The following PRAME variants were observed in gnomAD, a reference collection of about 807,000 sequenced individuals.
The protein encoded by PRAME is PRAME nuclear receptor transcriptional regulator.
PRAME carries 21 observed loss-of-function variants against 32.1 expected under a neutral mutation model. That is an observed-to-expected ratio of 0.65 (90% CI 0.46 to 0.94). PRAME has a LOEUF of 0.94. Ranked by LOEUF, PRAME falls within the 40% of genes least tolerant of loss-of-function variation. The pLI, the probability that PRAME is intolerant of heterozygous loss-of-function variation, is 0.00. For missense variants in PRAME, 651 were observed against 622.3 expected, an observed-to-expected ratio of 1.05 and a Z score of -0.49; for synonymous variants, 274 against 251.5, an observed-to-expected ratio of 1.09 and a Z score of -0.85.
intron 4 of PRAME, 148 bp downstream of exon 4, chr22:22,550,619 C>G (rs964057731): frequency 4.2e-6 from 4 of 960,330 alleles, no homozygotes; most frequent in Admixed American, 5.1e-5. Flanking sequence ...AGAGTGACCC[C>G]TGCAGTAGCC....
In PRAME at chr22:22,556,554, G is replaced by A. The variant is rs936788070; in HGVS notation, c.21+258C>T. Among the ~76,000 whole-genome samples the A allele has an allele frequency of 5.3e-5, 8 of 151,568 alleles. 1 individual carries two copies. Among genetic ancestry groups the A allele is most frequent in the African/African-American group, 1.9e-4 (8 of 41,266 alleles). ...TCTCAATCTCCTGACCTGGTGATCC[G>A]CCCGCCTCAGCCTCCCAAAGTGCTG... On this transcript the variant is annotated intron_variant, in intron 3 of 5. Coordinates refer to ENST00000405655, the MANE Select transcript of PRAME (RefSeq NM_206956.3).
chr22:22,548,562 A>C lies in PRAME; in HGVS notation c.1035T>G (p.Ser345Arg), dbSNP rs1420885580. The change falls in exon 6 of 6, where the codon AGT becomes AGG. Residue 345 changes from serine to arginine, a missense_variant. Physicochemically the swap from Ser to Arg is moderately radical, Grantham distance 110. Transcript: ENST00000405655. ...SEGDVMHLSQ[S>R]PSVSQLSVLS... ...GGACACTTAGCTGACTGACGCTGGG[A>C]CTCTGGGACAGATGCATCACATCCC... 8 of 1,613,092 alleles carry C rather than the reference A, an allele frequency of 5.0e-6. No homozygotes were observed. Among genetic ancestry groups the C allele is most frequent in the Admixed American group, 3.3e-5 (2 of 59,950 alleles).
intron 2 of PRAME, 59 bp from the exon 3 acceptor site, chr22:22,556,968 C>A: frequency 8.8e-7 from 1 of 1,140,516 alleles, no homozygotes; most frequent in Non-Finnish European, 1.3e-6. Flanking sequence ...ATTTACGAAG[C>A]AACGGCCTCC....
At position 22,554,000 on chromosome 22, in the gene PRAME, C is replaced by G. The variant is rs563568422; in HGVS notation, c.21+2812G>C. 356 of 985,162 alleles carry G rather than the reference C, an allele frequency of 3.6e-4. 3 individuals carry two copies. The African/African-American group carries it at 4.7e-3, about 13-fold the overall frequency. The allele number at this position is 985,162 out of a possible 1,614,324, so 61.0% of individuals were successfully genotyped here. A position where few individuals can be genotyped will look rare whatever the true frequency, so the allele number is the denominator to read the frequency against. ...TTCTTGCCCCTAAGCTGCTCAGGTA[C>G]AGAGATTCTGGTCAGCGAGATGCAA... On this transcript the variant is annotated intron_variant, in intron 3 of 5. Coordinates refer to ENST00000405655, the MANE Select transcript of PRAME (RefSeq NM_206956.3).
rs1374858744 is a variant in PRAME at position 22,547,893 on chromosome 22, C to T, written c.*174G>A. ...AACATCTGCCTACCCCCAACTTCCCCTTTTTTTCCTCACTGAACATTTGTC... is the reference window on the plus strand; with the variant it reads ...AACATCTGCCTACCCCCAACTTCCCTTTTTTTTCCTCACTGAACATTTGTC... On this transcript the variant is annotated 3_prime_UTR_variant, in exon 6 of 6. Coordinates refer to ENST00000405655, the MANE Select transcript of PRAME (RefSeq NM_206956.3). 1 of 735,700 alleles carries T rather than the reference C, an allele frequency of 1.4e-6. No individual in the cohort carries two copies. 45.6% of individuals were successfully genotyped at this position (735,700 alleles called of 1,614,324 possible). A position where few individuals can be genotyped will look rare whatever the true frequency, so the allele number is the denominator to read the frequency against.
At chr22:22,553,076 A>G in intron 3 of PRAME, 1 of 374,944 alleles carries the variant, frequency 2.7e-6, no homozygotes, top group South Asian at 2.0e-5. Context: ...AAAGGAAAGA[A>G]AAAGTGAACA....
At chr22:22,550,717 T>A (rs1454357159) in intron 4 of PRAME, 50 bp downstream of exon 4, 1 of 1,518,322 alleles carries the variant, frequency 6.6e-7, no homozygotes, top group African/African-American at 1.4e-5. Context: ...CCCAGCTGCA[T>A]CCTGCTCAGG....
At position 22,550,616 on chromosome 22, in the gene PRAME, C is replaced by A. The variant is rs182238190; in HGVS notation, c.344+151G>T. The A allele has an allele frequency of 4.5e-3, 4,207 of 936,424 alleles. 14 individuals are homozygous for A. Among genetic ancestry groups the A allele is most frequent in the Non-Finnish European group, 5.7e-3 (3,556 of 629,294 alleles). The allele number at this position is 936,424 out of a possible 1,614,324, so 58.0% of individuals were successfully genotyped here. ...GTCCAGAAGCCCATTCCAAGAGTGA[C>A]CCCTGCAGTAGCCCCAAGGCCTCCC... On this transcript the variant is annotated intron_variant, in intron 4 of 5. Coordinates refer to ENST00000405655, the MANE Select transcript of PRAME (RefSeq NM_206956.3).
At chr22:22,557,612 T>C (rs1006598010) in intron 1 of PRAME, 32 bp from the exon 2 acceptor site, 9 of 129,382 alleles carry the variant, frequency 7.0e-5, no homozygotes, top group Non-Finnish European at 4.8e-5. Context: ...ATGGCTCAGC[T>C]AAGCGCCCTA....
At chr22:22,550,468 G>T in intron 4 of PRAME, 134 bp from the exon 5 acceptor site, 1 of 1,229,222 alleles carries the variant, frequency 8.1e-7, no homozygotes, top group Non-Finnish European at 1.1e-6. Flanking sequence ...CGTACTTCAG[G>T]CATCAGCTGC....
chr22:22,557,656 GAC>G (rs2063018164), intron 1 of PRAME, 76 bp from the exon 2 acceptor site: 1 of 145,814 alleles, frequency 6.9e-6, no homozygotes, highest in Non-Finnish European at 1.5e-5. Flanking sequence ...CGGCGGTGGG[GAC>G]CGGGGGGCTG....
chr22:22,552,040 T>G lies in PRAME; in HGVS notation c.22-951A>C, dbSNP rs563348787. On this transcript the variant is annotated intron_variant, in intron 3 of 5. Coordinates refer to ENST00000405655, the MANE Select transcript of PRAME (RefSeq NM_206956.3). ...GCTCATGTCTGTAATCCCAGCATTTTGGGAGGCCAGGGTGGGAGAATGGTT... is the reference window on the plus strand; with the variant it reads ...GCTCATGTCTGTAATCCCAGCATTTGGGGAGGCCAGGGTGGGAGAATGGTT... Among the ~76,000 whole-genome samples the G allele has an allele frequency of 1.5e-4, 23 of 151,074 alleles. No individual in the cohort carries two copies. In the East Asian group the frequency reaches 4.0e-3, roughly 26 times the overall value.
At chr22:22,558,774 G>C (rs1046090058) in intron 1 of PRAME, among the ~76,000 whole-genome samples, 197 bp downstream of exon 1, 4 of 151,426 alleles carry the variant, frequency 2.6e-5, no homozygotes, top group African/African-American at 9.7e-5. Flanking sequence ...CTGTGCTTCT[G>C]GCGACCTCCC....
At chr22:22,552,898 C>A in intron 3 of PRAME, 1 of 470,804 alleles carries the variant, frequency 2.1e-6, no homozygotes, top group South Asian at 1.5e-5. Context: ...CTCCTCTGGC[C>A]CCTCTGAAGC....
Position 22,551,111 on chromosome 22 carries a change from A to C in PRAME, c.22-22T>G, listed in dbSNP as rs765916605. 4.6e-6 allele frequency: 7 copies of C among 1,534,436 alleles called. No homozygotes were observed. In the African/African-American group the frequency reaches 8.2e-5, roughly 18 times the overall value. On this transcript the variant is annotated intron_variant, in intron 3 of 5. Coordinates refer to ENST00000405655, the MANE Select transcript of PRAME (RefSeq NM_206956.3). ...AACCCTGAGGAAACATACAGGGAAC[A>C]AGGCATCCCTTTCAGCCCAAGCATA...
chr22:22,556,166 AT>A (rs944139537), intron 3 of PRAME, among the ~76,000 whole-genome samples: 1 of 150,320 alleles, frequency 6.7e-6, no homozygotes, highest in Admixed American at 6.6e-5. Flanking sequence ...CGCCCAGCTA[AT>A]TTTTTTTCTA....
At position 22,556,904 on chromosome 22, in the gene PRAME, G is replaced by T. The variant is rs2283798; in HGVS notation, c.-72C>A. On this transcript the variant is annotated 5_prime_UTR_variant, in exon 3 of 6. Transcript: ENST00000405655. Reference sequence around the variant, plus strand: ...CTAGGTCTCAGTCACTTGTTGCCACGCACGTCTGAGAGTAATAATCAAAAT... The same window carrying T: ...CTAGGTCTCAGTCACTTGTTGCCACTCACGTCTGAGAGTAATAATCAAAAT... The T allele has an allele frequency of 4.8e-3, 7,448 of 1,546,634 alleles. 204 individuals are homozygous for T. The Admixed American group carries it at 0.057, about 12-fold the overall frequency.
intron 3 of PRAME, chr22:22,553,711 G>A (rs1447910942): frequency 1.2e-6 from 1 of 855,858 alleles, no homozygotes; most frequent in African/African-American, 1.8e-5. Flanking sequence ...CCAAACCTAG[G>A]ACAGCAACAT....
At chr22:22,549,485 CAG>C (rs2062439147) in intron 5 of PRAME, among the ~76,000 whole-genome samples, 1 of 151,918 alleles carries the variant, frequency 6.6e-6, no homozygotes, top group African/African-American at 2.4e-5. Context: ...CCTCCCATTA[CAG>C]AGTTTTCTAA....
Sources: allele counts gnomAD v4.1 joint callset (sites outside exome capture counted in the v4.1 genomes callset), GRCh38; gene constraint gnomAD v4.1.1; transcripts MANE v1.5; gene names NCBI Gene and HGNC (gene_info 2026-07-23, HGNC 2026-07-21).